Variants in DYRK1A observed in about 807,000 individuals in gnomAD.
DYRK1A encodes the protein dual specificity tyrosine phosphorylation regulated kinase 1A.
Under a neutral mutation model 79.7 loss-of-function variants are expected in DYRK1A, and 9 were observed. The observed-to-expected ratio is 0.11, with a 90% CI of 0.07 to 0.20. The LOEUF (loss-of-function observed/expected upper bound fraction) is 0.20. DYRK1A is among the 10% of genes least tolerant of loss of function. The pLI, the probability that DYRK1A is intolerant of heterozygous loss-of-function variation, is 1.00. For synonymous variants in DYRK1A, 349 were observed against 329.7 expected, an observed-to-expected ratio of 1.06 and a Z score of -0.63; for missense variants, 622 against 956.0, an observed-to-expected ratio of 0.65 and a Z score of 4.61.
chr21:37,506,009 TCA>T (rs2053584620), intron 10 of DYRK1A, 88 bp from the exon 11 acceptor site: 2 of 1,435,420 alleles, frequency 1.4e-6, no homozygotes, highest in African/African-American at 1.4e-5. Context: ...GTGAGTACTT[TCA>T]GTTTTAATGG....
intron 5 of DYRK1A, among the ~76,000 whole-genome samples, chr21:37,485,800 G>A (rs55770914): frequency 0.025 from 3,740 of 152,264 alleles, 156 homozygotes; most frequent in African/African-American, 0.085. Flanking sequence ...GAGAGGTGTT[G>A]CATGGTGATG....
intron 2 of DYRK1A, among the ~76,000 whole-genome samples, chr21:37,432,522 CTT>C (rs747634917): frequency 6.6e-6 from 1 of 152,106 alleles, no homozygotes; most frequent in Non-Finnish European, 1.5e-5. Context: ...TCATGCCAGA[CTT>C]TTGAATATTT....
Position 37,521,397 on chromosome 21 carries a change from T to A in DYRK1A, c.*8866T>A, listed in dbSNP as rs1312687549. 6.6e-6 allele frequency: 1 copy of A among 152,262 alleles called. No individual in the cohort carries two copies. The highest frequency in any genetic ancestry group is 1.5e-5 in the Non-Finnish European group (1 of 68,066). 9.4% of individuals were successfully genotyped at this position (152,262 alleles called of 1,614,324 possible). On this transcript the variant is annotated 3_prime_UTR_variant, in exon 12 of 12. Coordinates refer to ENST00000647188, the MANE Select transcript of DYRK1A (RefSeq NM_001347721.2). ...AGTCCTACCCTGAAGAAGAAGAATGTCTTACCAGCAAACGGTCTTGGGACA... is the reference window on the plus strand; with the variant it reads ...AGTCCTACCCTGAAGAAGAAGAATGACTTACCAGCAAACGGTCTTGGGACA...
chr21:37,463,963 CTG>C (rs1246477531), intron 2 of DYRK1A, among the ~76,000 whole-genome samples: 1 of 152,078 alleles, frequency 6.6e-6, no homozygotes, highest in Non-Finnish European at 1.5e-5. Flanking sequence ...TTTGATTTAA[CTG>C]TTTCTCTTTA....
In DYRK1A at chr21:37,471,280, GAAC is replaced by G. The variant is rs373472150; in HGVS notation, c.11-1403_11-1401del. On this transcript the variant is annotated intron_variant, in intron 2 of 11. Transcript: ENST00000647188. ...GCAAGATTGGGCAGCTGTAAGGGAA[GAAC>G]TCTAACATGACTGCCAGAGTGTTGA... Among the ~76,000 whole-genome samples the G allele has an allele frequency of 5.6e-3, 858 of 152,348 alleles. 6 individuals carry two copies. The highest frequency in any genetic ancestry group is 0.044 in the Middle Eastern group (13 of 294).
intron 1 of DYRK1A, among the ~76,000 whole-genome samples, chr21:37,396,228 T>C (rs974091722): frequency 2.6e-5 from 4 of 151,908 alleles, no homozygotes; most frequent in Admixed American, 2.0e-4. Flanking sequence ...TTTTTTTAGG[T>C]TGGGGATGGA....
intron 2 of DYRK1A, among the ~76,000 whole-genome samples, chr21:37,467,526 GGC>G (rs2052071390): frequency 6.6e-6 from 1 of 152,182 alleles, no homozygotes; most frequent in African/African-American, 2.4e-5. Flanking sequence ...CACCATGCTT[GGC>G]TCAAGGAAAG....
At chr21:37,458,453 G>A (rs1012612714) in intron 2 of DYRK1A, among the ~76,000 whole-genome samples, 2 of 152,072 alleles carry the variant, frequency 1.3e-5, no homozygotes, top group Admixed American at 6.5e-5. Flanking sequence ...GCTCCAGATC[G>A]TCTTTGAGGC....
At chr21:37,453,963 TA>T (rs1223044129) in intron 2 of DYRK1A, among the ~76,000 whole-genome samples, 8 of 152,178 alleles carry the variant, frequency 5.3e-5, no homozygotes, top group Admixed American at 2.0e-4. Context: ...TGGAGTTGTA[TA>T]AATTATATAT....
chr21:37,448,357 G>T (rs557237846), intron 2 of DYRK1A, among the ~76,000 whole-genome samples: 8 of 152,154 alleles, frequency 5.3e-5, no homozygotes, highest in African/African-American at 1.9e-4. Context: ...CTGGTGGAGG[G>T]TCCCATAATC....
intron 1 of DYRK1A, among the ~76,000 whole-genome samples, chr21:37,377,418 A>T (rs187795753): frequency 6.7e-6 from 1 of 150,334 alleles, no homozygotes; most frequent in Non-Finnish European, 1.5e-5. Context: ...CGTGCCCCGC[A>T]TTTTTTTTTA....
At chr21:37,488,493 A>G in intron 6 of DYRK1A, 1 of 846,594 alleles carries the variant, frequency 1.2e-6, no homozygotes. Context: ...CAAATTTCTT[A>G]TCTGGATTAT....
chr21:37,437,557 A>T (rs1315361260), intron 2 of DYRK1A, among the ~76,000 whole-genome samples: 4 of 152,238 alleles, frequency 2.6e-5, no homozygotes, highest in African/African-American at 7.2e-5. Flanking sequence ...TGAAACTTTT[A>T]CCACAAGTCA....
chr21:37,510,701 G>C (rs2835775), intron 11 of DYRK1A, among the ~76,000 whole-genome samples: 2 of 151,910 alleles, frequency 1.3e-5, no homozygotes, highest in African/African-American at 2.4e-5. Flanking sequence ...TCCAGGTCCT[G>C]ATCTCCTACC....
chr21:37,419,446 C>T (rs189573065), intron 1 of DYRK1A: 1 of 152,254 alleles, frequency 6.6e-6, no homozygotes, highest in South Asian at 2.1e-4. Context: ...GCCCCAGTGC[C>T]CTTGACCAGG....
intron 2 of DYRK1A, among the ~76,000 whole-genome samples, chr21:37,433,816 T>G (rs2050845595): frequency 6.6e-6 from 1 of 152,230 alleles, no homozygotes. Flanking sequence ...AAAATATTGA[T>G]TATTCATGGA....
intron 1 of DYRK1A, among the ~76,000 whole-genome samples, chr21:37,368,505 A>G (rs191694939): frequency 1.8e-4 from 27 of 152,320 alleles, no homozygotes; most frequent in African/African-American, 5.1e-4. Context: ...AGGTGACACG[A>G]ATCCCATAAT....
intron 2 of DYRK1A, among the ~76,000 whole-genome samples, chr21:37,424,256 C>A (rs901737373): frequency 6.6e-6 from 1 of 152,044 alleles, no homozygotes; most frequent in Non-Finnish European, 1.5e-5. Context: ...TTTTTTCTTA[C>A]TGATTCAATA....
Position 37,511,981 on chromosome 21 carries a change from C to G in DYRK1A, c.1715C>G (p.Thr572Ser). Residue 572 changes from threonine (T) to serine (S), a missense_variant, in exon 12 of 12, where the codon ACT becomes AGT. By Grantham distance (58) the Thr-to-Ser change is moderately conservative. Transcript: ENST00000647188. Reference protein sequence around the residue: ...TEAPTQVTVETHPVQETTFHV... With the variant: ...TEAPTQVTVESHPVQETTFHV... ...GCTCCTACACAGGTCACTGTTGAAA[C>G]TCATCCTGTTCAAGAAACAACCTTT... is the stretch of plus-strand genomic sequence containing the variant. 6.2e-7 allele frequency: 1 copy of G among 1,614,186 alleles called. No individual in the cohort carries two copies. Among genetic ancestry groups the G allele is most frequent in the South Asian group, 1.1e-5 (1 of 91,082 alleles).
Sources: allele counts gnomAD v4.1 joint callset (sites outside exome capture counted in the v4.1 genomes callset), GRCh38; gene constraint gnomAD v4.1.1; transcripts MANE v1.5; gene names NCBI Gene and HGNC (gene_info 2026-07-23, HGNC 2026-07-21).